SAXO1: variants seen among roughly 807,000 people sequenced by gnomAD.
The protein encoded by SAXO1 is 4930500O09Rik.
SAXO1 carries 21 observed loss-of-function variants against 17.5 expected under a neutral mutation model. The observed-to-expected ratio is 1.20, with a 90% CI of 0.85 to 1.72. The LOEUF is 1.72. Among genes scored for constraint, SAXO1 ranks in the 40% most tolerant of loss-of-function variants. The pLI is 0.00. For synonymous variants in SAXO1, 274 were observed against 216.5 expected (o/e 1.27, Z -2.33); for missense variants, 843 against 596.0 (o/e 1.41, Z -4.32).
At chr9:19,010,495 C>A (rs1834683617) in intron 1 of SAXO1, among the ~76,000 whole-genome samples, 1 of 151,104 alleles carries the variant, frequency 6.6e-6, no homozygotes, top group African/African-American at 2.4e-5. Flanking sequence ...AAAAAAGAAA[C>A]CCTATAGTCT....
intron 2 of SAXO1, 89 bp downstream of exon 2, chr9:18,950,669 G>A: frequency 8.5e-7 from 1 of 1,179,898 alleles, no homozygotes; most frequent in Non-Finnish European, 1.2e-6. Context: ...CATTAGCACT[G>A]CACATTACAT....
intron 1 of SAXO1, among the ~76,000 whole-genome samples, chr9:18,967,876 A>G (rs1483996126): frequency 6.6e-6 from 1 of 152,098 alleles, no homozygotes; most frequent in African/African-American, 2.4e-5. Flanking sequence ...CCCTGGTGGT[A>G]TAGGCACACA....
At chr9:19,023,150 C>G (rs1382421338) in intron 1 of SAXO1, among the ~76,000 whole-genome samples, 1 of 122,490 alleles carries the variant, frequency 8.2e-6, no homozygotes, top group East Asian at 2.9e-4. Context: ...TCCCCCCCCA[C>G]CCCCCCGCCC....
At chr9:18,976,280 GA>G (rs1006371561) in intron 1 of SAXO1, among the ~76,000 whole-genome samples, 10 of 152,160 alleles carry the variant, frequency 6.6e-5, no homozygotes, top group African/African-American at 2.4e-4. Flanking sequence ...CTTGAGGGCT[GA>G]AAAAGGTTGT....
intron 1 of SAXO1, among the ~76,000 whole-genome samples, chr9:19,025,648 A>C (rs567063917): frequency 6.6e-6 from 1 of 152,240 alleles, no homozygotes; most frequent in African/African-American, 2.4e-5. Context: ...CCAATGCTTC[A>C]TAAATATTTC....
At chr9:18,938,938 C>T (rs1413646566) in intron 3 of SAXO1, among the ~76,000 whole-genome samples, 2 of 151,764 alleles carry the variant, frequency 1.3e-5, no homozygotes, top group African/African-American at 4.8e-5. Flanking sequence ...AGACCTCCTC[C>T]ATCCTTGCCA....
intron 1 of SAXO1, among the ~76,000 whole-genome samples, chr9:18,987,511 C>T (rs1329305368): frequency 3.3e-5 from 5 of 152,166 alleles, no homozygotes; most frequent in Non-Finnish European, 7.4e-5. Context: ...GATGTGATTT[C>T]CTCAGGTAGT....
chr9:18,953,035 G>A (rs779178107), intron 1 of SAXO1, among the ~76,000 whole-genome samples: 1 of 152,112 alleles, frequency 6.6e-6, no homozygotes, highest in Non-Finnish European at 1.5e-5. Context: ...GCTCACAATC[G>A]GTCCGACTAT....
intron 1 of SAXO1, among the ~76,000 whole-genome samples, chr9:19,023,527 G>A (rs1835337325): frequency 6.6e-6 from 1 of 152,160 alleles, no homozygotes; most frequent in Non-Finnish European, 1.5e-5. Flanking sequence ...TTAGGGAGCA[G>A]AAAGGCTGGG....
Position 18,963,256 on chromosome 9 carries a change from T to G in SAXO1, c.39-12319A>C, listed in dbSNP as rs796891829. 4.9e-4 allele frequency among the ~76,000 whole-genome samples: 74 copies of G among 152,182 alleles called. 1 individual carries two copies. Among genetic ancestry groups the G allele is most frequent in the African/African-American group, 1.7e-3 (70 of 41,570 alleles). ...ATGATGCCTCCAGCTTTGTTCTTTT[T>G]GCTTAGTTTTAGGATTGTCTTGGCT... On this transcript the variant is annotated intron_variant, in intron 1 of 3. Coordinates refer to ENST00000380534, the MANE Select transcript of SAXO1 (RefSeq NM_153707.4).
intron 1 of SAXO1, among the ~76,000 whole-genome samples, chr9:19,042,681 G>A (rs2131072621): frequency 6.6e-6 from 1 of 152,066 alleles, no homozygotes; most frequent in South Asian, 2.1e-4. Flanking sequence ...CGACCAACAT[G>A]GAGAAACCCC....
intron 1 of SAXO1, among the ~76,000 whole-genome samples, chr9:19,047,364 C>CA (rs891030085): frequency 1.9e-4 from 29 of 149,144 alleles, no homozygotes; most frequent in African/African-American, 4.4e-4. Flanking sequence ...ACTCTGTCTC[C>CA]AAAAAAAAGA....
intron 1 of SAXO1, among the ~76,000 whole-genome samples, chr9:19,007,211 T>C (rs1588519355): frequency 7.0e-6 from 1 of 142,260 alleles, no homozygotes; most frequent in Non-Finnish European, 1.5e-5. Flanking sequence ...ACTGGGCGTT[T>C]TGGTGCACGC....
chr9:19,042,163 T>C (rs1023406480), intron 1 of SAXO1, among the ~76,000 whole-genome samples: 2 of 152,052 alleles, frequency 1.3e-5, no homozygotes, highest in East Asian at 3.8e-4. Flanking sequence ...AAAGACAACA[T>C]ACAAATGGCA....
chr9:18,966,595 C>A (rs975101273), intron 1 of SAXO1, among the ~76,000 whole-genome samples: 1 of 152,168 alleles, frequency 6.6e-6, no homozygotes, highest in African/African-American at 2.4e-5. Context: ...TCCATCAAGT[C>A]ATTTATATTC....
rs1288861369 is a variant in SAXO1 at position 18,928,285 on chromosome 9, C to T, written c.1192G>A (p.Gly398Arg). Residue 398 changes from glycine (G) to arginine (R), a missense_variant, in exon 4 of 4, where the codon GGA becomes AGA. Coordinates refer to ENST00000380534, the MANE Select transcript of SAXO1 (RefSeq NM_153707.4). ...GTCTGGCTTTCCACAGGGACATTTC[C>T]TCGAGGGCCAGACCAATGAGGCTTA... ...SCKPHWSGPR[G>R]NVPVESQTTY... 1.9e-6 allele frequency: 3 copies of T among 1,612,482 alleles called. No homozygotes were observed. Among genetic ancestry groups the T allele is most frequent in the Non-Finnish European group, 2.5e-6 (3 of 1,178,980 alleles).
intron 1 of SAXO1, among the ~76,000 whole-genome samples, chr9:19,031,646 C>T (rs1396697619): frequency 6.6e-6 from 1 of 152,198 alleles, no homozygotes; most frequent in Admixed American, 6.5e-5. Flanking sequence ...TCTGGCCCCA[C>T]TTAACAAAGC....
rs562810102 is a variant in SAXO1 at position 18,968,510 on chromosome 9, T to C, written c.39-17573A>G. Among the ~76,000 whole-genome samples the C allele has an allele frequency of 6.8e-4, 104 of 152,220 alleles. 1 individual carries two copies. The South Asian group carries it at 0.02, about 29-fold the overall frequency. On this transcript the variant is annotated intron_variant, in intron 1 of 3. Coordinates refer to ENST00000380534, the MANE Select transcript of SAXO1 (RefSeq NM_153707.4). ...TTCAAAATAACATTTTGGGGAGAAA[T>C]AGAAAGTGAAAAAAAGTTTCTAAAA...
At chr9:19,029,971 C>T (rs1206681939) in intron 1 of SAXO1, among the ~76,000 whole-genome samples, 2 of 152,070 alleles carry the variant, frequency 1.3e-5, no homozygotes, top group Non-Finnish European at 2.9e-5. Flanking sequence ...AGTGCACACA[C>T]AAAAATAGAA....
Sources: allele counts gnomAD v4.1 joint callset (sites outside exome capture counted in the v4.1 genomes callset), GRCh38; gene constraint gnomAD v4.1.1; transcripts MANE v1.5; gene names NCBI Gene and HGNC (gene_info 2026-07-23, HGNC 2026-07-21).